Variants in FRMD4B observed in about 807,000 individuals in gnomAD.
FRMD4B encodes FERM domain containing 4B, also known as FERM domain-containing protein 4B.
FRMD4B carries 74 observed loss-of-function variants against 141.5 expected under a neutral mutation model. The observed-to-expected ratio is 0.52, with a 90% CI of 0.43 to 0.63. The LOEUF is 0.63. Ranked by LOEUF, FRMD4B falls within the 30% of genes least tolerant of loss-of-function variation. The pLI is 0.00. For missense variants in FRMD4B, 1,366 were observed against 1,253.4 expected (o/e 1.09, Z -1.36); for synonymous variants, 506 against 467.9 (o/e 1.08, Z -1.05).
In FRMD4B at chr3:69,514,686, TTAAATAAATAAATAAA is replaced by T. The variant is rs58643773; in HGVS notation, c.-129+27504_-129+27519del. ...TTGGGTGACAGAGCAAGACTCCATC[TTAAATAAATAAATAAA>T]TAAATAAATAAATAAATAAATAAAT... On this transcript the variant is annotated intron_variant, in intron 1 of 5. Coordinates refer to the FRMD4B transcript ENST00000459638. 2.3e-3 allele frequency among the ~76,000 whole-genome samples: 335 copies of T among 143,154 alleles called. 1 individual carries two copies. Among genetic ancestry groups the T allele is most frequent in the African/African-American group, 7.5e-3 (291 of 38,812 alleles). 93.9% of individuals were successfully genotyped at this position (143,154 alleles called of 152,430 possible).
intron 1 of FRMD4B, among the ~76,000 whole-genome samples, chr3:69,459,793 A>G (rs1705682570): frequency 6.6e-6 from 1 of 152,246 alleles, no homozygotes; most frequent in Admixed American, 6.5e-5. Context: ...TACCAGGAGC[A>G]TAACAGGCAC....
At chr3:69,483,689 C>G (rs752676878) in intron 1 of FRMD4B, among the ~76,000 whole-genome samples, 1 of 152,112 alleles carries the variant, frequency 6.6e-6, no homozygotes, top group African/African-American at 2.4e-5. Flanking sequence ...AAAATTGTTA[C>G]GGATCTCTTC....
At chr3:69,174,711 T>C (rs900487336) in intron 22 of FRMD4B, among the ~76,000 whole-genome samples, 1 of 152,174 alleles carries the variant, frequency 6.6e-6, no homozygotes, top group Non-Finnish European at 1.5e-5. Flanking sequence ...TGCTTAACAC[T>C]TCCTGAGTCC....
Position 69,181,281 on chromosome 3 carries a change from A to T in FRMD4B, c.2469T>A (p.Tyr823Ter). The T allele has an allele frequency of 6.2e-7, 1 of 1,613,948 alleles. No individual in the cohort carries two copies. The highest frequency in any genetic ancestry group is 8.5e-7 in the Non-Finnish European group (1 of 1,179,852). Residue 823 changes from tyrosine (Y) to a stop codon, truncating the protein, a stop_gained, in exon 21 of 23, where the codon TAT becomes TAA. Coordinates refer to ENST00000398540, the MANE Select transcript of FRMD4B (RefSeq NM_015123.3). LOFTEE classifies it high-confidence loss of function. ...AECDFYYSGGYVYENDTEGQY... is the reference protein window; with the variant it reads ...AECDFYYSGG ...GTCCCTCGGTGTCATTCTCATAGAC[A>T]TAACCACCACTGTAATAAAAGTCAC...
At chr3:69,361,574 A>G (rs1483890) in intron 1 of FRMD4B, among the ~76,000 whole-genome samples, 60,332 of 151,922 alleles carry the variant, frequency 0.4, 13,580 homozygotes, top group African/African-American at 0.62. Flanking sequence ...CTGTTGTAGA[A>G]CTTCATACAA....
At chr3:69,445,472 C>A (rs1193505618) in intron 1 of FRMD4B, among the ~76,000 whole-genome samples, 1 of 152,208 alleles carries the variant, frequency 6.6e-6, no homozygotes, top group Non-Finnish European at 1.5e-5. Context: ...TCCTCCGCAT[C>A]ATCCCACTTC....
chr3:69,292,681 A>AAG (rs1700910840), intron 4 of FRMD4B, among the ~76,000 whole-genome samples: 1 of 151,992 alleles, frequency 6.6e-6, no homozygotes, highest in Non-Finnish European at 1.5e-5. Flanking sequence ...TGTATGAAAA[A>AAG]TACATATGGG....
At chr3:69,199,039 G>A (rs1402400058) in intron 11 of FRMD4B, 1 of 337,762 alleles carries the variant, frequency 3.0e-6, no homozygotes, top group East Asian at 6.5e-5. Flanking sequence ...GGGAGGCCGA[G>A]GCAGGTGGAT....
intron 22 of FRMD4B, among the ~76,000 whole-genome samples, chr3:69,174,690 T>A (rs769625225): frequency 6.6e-5 from 10 of 152,208 alleles, no homozygotes; most frequent in Non-Finnish European, 1.5e-4. Context: ...AAAACAGATT[T>A]TCTCTAAAAA....
chr3:69,492,096 C>T (rs1420043450), intron 1 of FRMD4B, among the ~76,000 whole-genome samples: 2 of 152,192 alleles, frequency 1.3e-5, no homozygotes, highest in Non-Finnish European at 2.9e-5. Context: ...GGAAGCTGAA[C>T]CTGGCAATCA....
In FRMD4B at chr3:69,283,508, C is replaced by G. The variant is rs549944700; in HGVS notation, c.501+4244G>C. ...TGCAGTAGCATTTAAAGGAATTCTG[C>G]TTTTCCTTGCTTTCTCAAGACAAAC... On this transcript the variant is annotated intron_variant, in intron 5 of 22. Transcript: ENST00000398540. Among the ~76,000 whole-genome samples, 7 of 151,310 alleles carry G rather than the reference C, an allele frequency of 4.6e-5. No individual in the cohort carries two copies. In the South Asian group the frequency reaches 1.5e-3, roughly 32 times the overall value.
chr3:69,427,650 T>G (rs968138969), intron 2 of FRMD4B, among the ~76,000 whole-genome samples: 15 of 117,952 alleles, frequency 1.3e-4, no homozygotes, highest in Admixed American at 1.7e-4. Flanking sequence ...AATGTTTTTT[T>G]TTTTTTTTTT....
chr3:69,437,721 TA>T (rs1705282281), intron 1 of FRMD4B, among the ~76,000 whole-genome samples: 1 of 130,730 alleles, frequency 7.6e-6, no homozygotes, highest in African/African-American at 3.0e-5. Flanking sequence ...ATAATATATA[TA>T]AATACATATT....
At chr3:69,340,767 G>T (rs1015226711) in intron 1 of FRMD4B, among the ~76,000 whole-genome samples, 10 of 152,124 alleles carry the variant, frequency 6.6e-5, no homozygotes, top group African/African-American at 2.4e-4. Context: ...TCGTCTTTTA[G>T]TTCTCTATAC....
At chr3:69,484,337 A>T (rs903992923) in intron 1 of FRMD4B, among the ~76,000 whole-genome samples, 10 of 152,252 alleles carry the variant, frequency 6.6e-5, no homozygotes, top group Non-Finnish European at 1.5e-4. Context: ...TGCATTCTAG[A>T]ATTCTACCAG....
Position 69,348,868 on chromosome 3 carries a change from A to G in FRMD4B, c.163-35351T>C, listed in dbSNP as rs1399430084. 2.6e-5 allele frequency among the ~76,000 whole-genome samples: 4 copies of G among 152,204 alleles called. No homozygotes were observed. In the East Asian group the frequency reaches 7.7e-4, roughly 29 times the overall value. On this transcript the variant is annotated intron_variant, in intron 1 of 22. Coordinates refer to ENST00000398540, the MANE Select transcript of FRMD4B (RefSeq NM_015123.3). Reference sequence around the variant, plus strand: ...TAAGAGCTATTTAGGACAAACCCACAGTCAATATCATACTGAATGGGCAAA... The same window carrying G: ...TAAGAGCTATTTAGGACAAACCCACGGTCAATATCATACTGAATGGGCAAA...
intron 8 of FRMD4B, among the ~76,000 whole-genome samples, chr3:69,222,869 A>T (rs1003336737): frequency 2.6e-5 from 4 of 152,266 alleles, no homozygotes; most frequent in Non-Finnish European, 4.4e-5. Flanking sequence ...TAATACACAT[A>T]AAATAATGAT....
At chr3:69,345,288 T>G (rs6769290) in intron 1 of FRMD4B, among the ~76,000 whole-genome samples, 151,140 of 152,298 alleles carry the variant, frequency 0.99, 75,008 homozygotes, top group East Asian at 1. Context: ...GAGGCTGGGG[T>G]AGGGGTACCC....
At chr3:69,303,649 T>C (rs758436047) in intron 3 of FRMD4B, among the ~76,000 whole-genome samples, 3 of 152,166 alleles carry the variant, frequency 2.0e-5, no homozygotes, top group Middle Eastern at 3.4e-3. Flanking sequence ...ACAGGCTGGG[T>C]GTGGTGGCTC....
Sources: allele counts gnomAD v4.1 joint callset (sites outside exome capture counted in the v4.1 genomes callset), GRCh38; gene constraint gnomAD v4.1.1; transcripts MANE v1.5; gene names NCBI Gene and HGNC (gene_info 2026-07-23, HGNC 2026-07-21).